The following KMT2D variants were observed in gnomAD, a reference collection of about 807,000 sequenced individuals.
KMT2D encodes the protein histone-lysine N-methyltransferase 2D.
Under a neutral mutation model 512.7 loss-of-function variants are expected in KMT2D, and 55 were observed. The ratio of observed to expected loss-of-function variants is 0.11; its 90% CI spans 0.09 to 0.13. The LOEUF (loss-of-function observed/expected upper bound fraction) is 0.13, where lower values mean the gene tolerates loss of function less well. Ranked by LOEUF, KMT2D falls within the 10% of genes least tolerant of loss-of-function variation. The pLI is 1.00. For missense variants in KMT2D, 6,061 were observed against 7,127.9 expected, an observed-to-expected ratio of 0.85 and a Z score of 5.39; for synonymous variants, 2,995 against 2,904.0, an observed-to-expected ratio of 1.03 and a Z score of -1.01.
At chr12:49,036,201 T>C (rs916448992) in intron 35 of KMT2D, among the ~76,000 whole-genome samples, 1 of 152,196 alleles carries the variant, frequency 6.6e-6, no homozygotes, top group African/African-American at 2.4e-5. Context: ...TGTCACTTAC[T>C]TCACTCGAAA....
rs2120585432 is a variant in KMT2D at position 49,044,547 on chromosome 12, G to A, written c.4964-25C>T. On this transcript the variant is annotated intron_variant, in intron 20 of 54. Transcript: ENST00000301067. This position sits in a 1 kb window ranked among gnomAD's most constrained non-coding sequence, Gnocchi z 6.4. ...CCTGCGTATGGTGACAGAAGAGATG[G>A]AGGCAAATCAGAACTATAGGCCCTT... 6.2e-7 allele frequency: 1 copy of A among 1,612,120 alleles called. No homozygotes were observed.
rs1321690764 is a variant in KMT2D, at chr12:49,051,314, G to C, written c.2369C>G (p.Pro790Arg). The C allele has an allele frequency of 6.3e-7, 1 of 1,588,444 alleles. No individual in the cohort carries two copies. Among genetic ancestry groups the C allele is most frequent in the South Asian group, 1.1e-5 (1 of 88,488 alleles). Residue 790 changes from proline (P) to arginine (R), a missense_variant, in exon 11 of 55, where the codon CCC becomes CGC. Coordinates refer to ENST00000301067, the MANE Select transcript of KMT2D (RefSeq NM_003482.4). ...GGACAGATGTGGTCCCTCAGCCTGG[G>C]GGGACAAGTGTGGCTCCTCAGGCAC... ...CAVPEEPHLS[P>R]QAEGPHLSPQ...
chr12:49,045,643 CAAAAA>C (rs559720363), intron 19 of KMT2D, among the ~76,000 whole-genome samples: 1 of 70,120 alleles, frequency 1.4e-5, no homozygotes, highest in African/African-American at 4.7e-5. Context: ...GACTCCATCT[CAAAAA>C]AAAAAAAAAA....
chr12:49,029,300 T>G lies in KMT2D; in HGVS notation c.14076-64A>C. 3.8e-6 allele frequency: 6 copies of G among 1,593,246 alleles called. No homozygotes were observed. The South Asian group carries it at 6.7e-5, about 18-fold the overall frequency. On this transcript the variant is annotated intron_variant, in intron 44 of 54. Transcript: ENST00000301067. ...CAGACTCCCCTCCCAAATCTAGAGA[T>G]GAATAGATGTCTTACTTGAAATCTC...
chr12:49,039,469 A>G lies in KMT2D; in HGVS notation c.8195T>C (p.Leu2732Pro), dbSNP rs2120511683. ...AEPSSPAFEQ[L>P]SRGQTPFAGT... The stretch of plus-strand genomic sequence containing the variant: ...AGCAAAGGGGGTCTGGCCTCGACTC[A>G]GCTGCTCAAAGGCAGGGCTGCTGGG... The change falls in exon 33 of 55, where the codon CTG (leucine) becomes CCG (proline). Residue 2732 changes from leucine (L) to proline (P), a missense_variant. This residue lies in a region of KMT2D where 527 missense variants were observed against 578.9 expected (regional missense o/e 0.91). Coordinates refer to ENST00000301067, the MANE Select transcript of KMT2D (RefSeq NM_003482.4). The surrounding 1 kb of genome is among the most constrained non-coding windows in gnomAD (Gnocchi z 5.0). 6.2e-7 allele frequency: 1 copy of G among 1,606,000 alleles called. No individual in the cohort carries two copies. The highest frequency in any genetic ancestry group is 8.5e-7 in the Non-Finnish European group (1 of 1,175,166).
In KMT2D at chr12:49,024,722, T is replaced by A. The variant is rs2137710841; in HGVS notation, c.15922-14A>T. On this transcript the variant is annotated splice_polypyrimidine_tract_variant and intron_variant, in intron 50 of 54. Transcript: ENST00000301067. The surrounding 1 kb of genome is among the most constrained non-coding windows in gnomAD (Gnocchi z 4.5). ...CACCCCGGGCAGCTGTGGGCACAGT[T>A]CATACTCACCTTAGCCTGAGTTTTT... 1 of 1,612,754 alleles carries A rather than the reference T, an allele frequency of 6.2e-7. No homozygotes were observed. The highest frequency in any genetic ancestry group is 8.5e-7 in the Non-Finnish European group (1 of 1,179,112).
chr12:49,044,602 C>T lies in KMT2D; in HGVS notation c.4964-80G>A. On this transcript the variant is annotated intron_variant, in intron 20 of 54. Coordinates refer to ENST00000301067, the MANE Select transcript of KMT2D (RefSeq NM_003482.4). This position sits in a 1 kb window ranked among gnomAD's most constrained non-coding sequence, Gnocchi z 6.4. ...CCTTGTCATCCTGCCACTGAGAGAG[C>T]TGAATACCTTGCCTCAGAGCCACTT... The T allele has an allele frequency of 6.3e-7, 1 of 1,578,038 alleles. No homozygotes were observed. The highest frequency in any genetic ancestry group is 8.6e-7 in the Non-Finnish European group (1 of 1,160,380).
rs1171002821 is a variant in KMT2D at position 49,060,585 on chromosome 12, C to G, written c.-1010G>C. On this transcript the variant is annotated 5_prime_UTR_variant, in exon 1 of 55. Coordinates refer to ENST00000301067, the MANE Select transcript of KMT2D (RefSeq NM_003482.4). ...GAGAGGAAAGTAGTGCAGCGCGGCGCCGCTCCGCCTCCCCCCCTCCGCCTC... is the reference window on the plus strand; with the variant it reads ...GAGAGGAAAGTAGTGCAGCGCGGCGGCGCTCCGCCTCCCCCCCTCCGCCTC... Among the ~76,000 whole-genome samples, 1 of 152,128 alleles carries G rather than the reference C, an allele frequency of 6.6e-6. No homozygotes were observed. The highest frequency in any genetic ancestry group is 1.9e-4 in the East Asian group (1 of 5,186).
In KMT2D at chr12:49,039,561, C is replaced by A. The variant is rs144583088; in HGVS notation, c.8103G>T (p.Arg2701=). ...CTGCTGCAGCTGTTTCCTTCTCCTG[C>A]CGCAGGGTGTTGCGCTGGATCTGCT... ...IRQQIQRNTL[R]QEKETAAAAA... is the part of the protein sequence containing the mutation. The change falls in exon 33 of 55, where the codon CGG becomes CGT. Residue 2701 remains arginine, a synonymous_variant. Transcript: ENST00000301067. This position sits in a 1 kb window ranked among gnomAD's most constrained non-coding sequence, Gnocchi z 5.0. The A allele has an allele frequency of 6.2e-7, 1 of 1,611,996 alleles. No homozygotes were observed. The highest frequency in any genetic ancestry group is 1.1e-5 in the South Asian group (1 of 90,990).
In KMT2D at chr12:49,040,141, C is replaced by T. The variant is rs201357509; in HGVS notation, c.7629G>A (p.Gly2543=). ...PMRFTFPQAV[G]EPSLKPPVPQ... ...GGACAGGGGGCTTTAGGGAAGGCTC[C>T]CCTACTGCCTGAGGGAAAGTGAAAC... Residue 2543 remains glycine (G), a synonymous_variant, in exon 32 of 55, where the codon GGG becomes GGA. Transcript: ENST00000301067. 61 of 1,613,746 alleles carry T rather than the reference C, an allele frequency of 3.8e-5. No individual in the cohort carries two copies. The African/African-American group carries it at 7.6e-4, about 20-fold the overall frequency.
rs2120585955 is a variant in KMT2D, at chr12:49,044,614, C to T, written c.4964-92G>A. On this transcript the variant is annotated intron_variant, in intron 20 of 54. Coordinates refer to ENST00000301067, the MANE Select transcript of KMT2D (RefSeq NM_003482.4). This position sits in a 1 kb window ranked among gnomAD's most constrained non-coding sequence, Gnocchi z 6.4. ...GCCACTGAGAGAGCTGAATACCTTG[C>T]CTCAGAGCCACTTAGACGAGACAGC... 1 of 1,568,304 alleles carries T rather than the reference C, an allele frequency of 6.4e-7. No homozygotes were observed.
intron 49 of KMT2D, among the ~76,000 whole-genome samples, chr12:49,025,759 T>C (rs1221010376): frequency 6.6e-6 from 1 of 152,220 alleles, no homozygotes; most frequent in Non-Finnish European, 1.5e-5. Flanking sequence ...TGGCTCACAG[T>C]ACACACTCAA....
chr12:49,038,171 T>C lies in KMT2D; in HGVS notation c.9185A>G (p.Lys3062Arg). 6.2e-7 allele frequency: 1 copy of C among 1,613,906 alleles called. No homozygotes were observed. Among genetic ancestry groups the C allele is most frequent in the Non-Finnish European group, 8.5e-7 (1 of 1,179,896 alleles). The change falls in exon 35 of 55, where the codon AAG becomes AGG. Residue 3062 changes from lysine (K) to arginine (R), a missense_variant. Transcript: ENST00000301067. The surrounding 1 kb of genome is among the most constrained non-coding windows in gnomAD (Gnocchi z 5.7). ...CAGGTGCTCATTGAAGATATCCTTC[T>C]TGTCCCCAGTGTCCAGCTCAGGATC... The part of the protein sequence containing the change: ...YTDPELDTGD[K>R]KDIFNEHLRL...
rs972414467 is a variant in KMT2D, at chr12:49,042,099, T to C, written c.6099A>G (p.Gln2033=). ...TCATCCCACAGGTACCTGGGTAGTC[T>C]TGCTTGAGATTAGGAAAATTAATGT... ...YANINFPNLK[Q]DYPDWSSRCK... is the part of the protein sequence containing the mutation. Residue 2033 remains glutamine, a synonymous_variant, in exon 29 of 55, where the codon CAA becomes CAG. Coordinates refer to ENST00000301067, the MANE Select transcript of KMT2D (RefSeq NM_003482.4). This position sits in a 1 kb window ranked among gnomAD's most constrained non-coding sequence, Gnocchi z 4.4. The C allele has an allele frequency of 5.0e-6, 8 of 1,613,676 alleles. No individual in the cohort carries two copies. Among genetic ancestry groups the C allele is most frequent in the Non-Finnish European group, 5.9e-6 (7 of 1,179,794 alleles).
At position 49,019,134 on chromosome 12, in the gene KMT2D, G is replaced by A. The variant is rs897715524; in HGVS notation, c.*2646C>T. ...AGGACAGGGGCGCTGAGGGTGGAGG[G>A]AGAGAGGGCGCTTTAAAAAAGGGAA... On this transcript the variant is annotated 3_prime_UTR_variant, in exon 55 of 55. Transcript: ENST00000301067. 1 of 1,140,382 alleles carries A rather than the reference G, an allele frequency of 8.8e-7. No homozygotes were observed. Among genetic ancestry groups the A allele is most frequent in the East Asian group, 4.5e-5 (1 of 22,288 alleles). The allele number at this position is 1,140,382 out of a possible 1,614,324, so 70.6% of individuals were successfully genotyped here.
Position 49,060,405 on chromosome 12 carries a change from C to T in KMT2D, c.-830G>A, listed in dbSNP as rs1337322418. 6.6e-6 allele frequency among the ~76,000 whole-genome samples: 1 copy of T among 152,172 alleles called. No individual in the cohort carries two copies. The highest frequency in any genetic ancestry group is 1.5e-5 in the Non-Finnish European group (1 of 68,008). ...TCTGGCCTCGGGAGCTGCCCCGCCC[C>T]CGGCCTGGCCGGCTCTGGTCGGTGG... On this transcript the variant is annotated 5_prime_UTR_variant, in exon 1 of 55. Coordinates refer to ENST00000301067, the MANE Select transcript of KMT2D (RefSeq NM_003482.4).
intron 43 of KMT2D, 36 bp downstream of exon 43, chr12:49,030,243 CA>C: frequency 6.4e-7 from 1 of 1,563,460 alleles, no homozygotes; most frequent in Non-Finnish European, 8.7e-7. Context: ...CTCCAGCTAC[CA>C]AACTCCACCA....
chr12:49,028,761 C>A (rs1036889719), intron 46 of KMT2D, 67 bp downstream of exon 46: 1 of 1,588,680 alleles, frequency 6.3e-7, no homozygotes, highest in South Asian at 1.1e-5. Flanking sequence ...TTTCCTTATC[C>A]AGACAAATTC....
chr12:49,049,833 C>A lies in KMT2D; in HGVS notation c.3755G>T (p.Arg1252Leu), dbSNP rs753048826. ...LGVSTDVSPARDEGSLRLCTD... is the reference protein window; with the variant it reads ...LGVSTDVSPALDEGSLRLCTD... The stretch of plus-strand genomic sequence containing the variant: ...ACAGAGCCGTAGGGAGCCCTCATCT[C>A]GGGCTGGACTAACATCCGTAGAGAC... The change falls in exon 12 of 55, where the codon CGA becomes CTA. Residue 1252 changes from arginine (R) to leucine (L), a missense_variant. Arg to Leu is a moderately radical substitution (Grantham distance 102). Coordinates refer to ENST00000301067, the MANE Select transcript of KMT2D (RefSeq NM_003482.4). 3 of 1,613,846 alleles carry A rather than the reference C, an allele frequency of 1.9e-6. No individual in the cohort carries two copies. Among genetic ancestry groups the A allele is most frequent in the South Asian group, 1.1e-5 (1 of 91,090 alleles).
Sources: gnomAD v4.1 joint callset for allele counts (sites outside exome capture counted in the v4.1 genomes callset) on GRCh38, gnomAD v4.1.1 for gene constraint, gnomAD v4.1.1 regional missense constraint, Gnocchi (gnomAD v3.1) non-coding constraint, MANE v1.5 for transcripts, NCBI Gene and HGNC (gene_info 2026-07-23, HGNC 2026-07-21) for gene names.